Variants in LGALS13 observed in about 807,000 individuals in gnomAD.
LGALS13 encodes galectin 13, also known as galactoside-binding soluble lectin 13.
Under a neutral mutation model 13.2 loss-of-function variants are expected in LGALS13, and 11 were observed. The observed-to-expected ratio is 0.83, with a 90% CI of 0.52 to 1.38. The LOEUF (loss-of-function observed/expected upper bound fraction) is 1.38. LGALS13 is among the 40% of genes most tolerant of loss of function. The pLI is 0.00. For synonymous variants in LGALS13, 71 were observed against 63.7 expected (o/e 1.11, Z -0.54); for missense variants, 183 against 174.3 (o/e 1.05, Z -0.28).
chr19:39,604,359 G>T (rs1328763508), intron 1 of LGALS13, among the ~76,000 whole-genome samples: 1 of 152,134 alleles, frequency 6.6e-6, no homozygotes, highest in African/African-American at 2.4e-5. Flanking sequence ...ATCTAAGACT[G>T]CACTGCTAGT....
chr19:39,605,238 C>T lies in LGALS13; in HGVS notation c.153C>T (p.Ala51=), dbSNP rs566911924. 9.3e-6 allele frequency: 15 copies of T among 1,614,200 alleles called. No individual in the cohort carries two copies. The East Asian group carries it at 2.2e-4, about 24-fold the overall frequency. Residue 51 remains alanine, a synonymous_variant, in exon 3 of 4, where the codon GCC becomes GCT. Coordinates refer to ENST00000221797, the MANE Select transcript of LGALS13 (RefSeq NM_013268.3). ...ACATGGATGAGGATTCAGATATTGC[C>T]TTCCGTTTCCGAGTGCACTTTGGCA... ...YTDMDEDSDI[A]FRFRVHFGNH...
intron 2 of LGALS13, 83 bp from the exon 3 acceptor site, chr19:39,605,094 TG>T: frequency 8.5e-7 from 1 of 1,170,626 alleles, no homozygotes; most frequent in Non-Finnish European, 1.3e-6. Context: ...CCTAGGTAAA[TG>T]GGGGAAGGGA....
intron 1 of LGALS13, among the ~76,000 whole-genome samples, chr19:39,602,872 C>T (rs965681402): frequency 1.1e-4 from 16 of 152,082 alleles, no homozygotes; most frequent in African/African-American, 2.7e-4. Flanking sequence ...CCCACCAGGA[C>T]GAGCAGGTGT....
Position 39,606,715 on chromosome 19 carries a change from G to A in LGALS13, c.304-508G>A, listed in dbSNP as rs118095889. 6.8e-3 allele frequency among the ~76,000 whole-genome samples: 1,042 copies of A among 152,302 alleles called. 3 individuals are homozygous for A. Among genetic ancestry groups the A allele is most frequent in the Non-Finnish European group, 0.011 (777 of 68,022 alleles). On this transcript the variant is annotated intron_variant, in intron 3 of 3. Coordinates refer to ENST00000221797, the MANE Select transcript of LGALS13 (RefSeq NM_013268.3). ...TTGAAGGTAATATCCTGTTTCACAAGAACAGTTCTCCTTTCATTCTATAAG... is the reference window on the plus strand; with the variant it reads ...TTGAAGGTAATATCCTGTTTCACAAAAACAGTTCTCCTTTCATTCTATAAG...
At chr19:39,605,072 G>A in intron 2 of LGALS13, 106 bp from the exon 3 acceptor site, 1 of 946,948 alleles carries the variant, frequency 1.1e-6, no homozygotes, top group South Asian at 1.4e-5. Flanking sequence ...GTATTATCTG[G>A]GAGACTTTTT....
In LGALS13 at chr19:39,605,304, GT is replaced by G. The variant is rs371049824; in HGVS notation, c.221del (p.Leu74TrpfsTer29). On this transcript the variant is annotated frameshift_variant, in exon 3 of 4. Coordinates refer to ENST00000221797, the MANE Select transcript of LGALS13 (RefSeq NM_013268.3). LOFTEE classifies it high-confidence loss of function. ...MNRREFGIWM[L>X]EETTDYVPFE... ...ACAGGCGTGAGTTTGGGATATGGAT[GT>G]TGGAGGAGACAACAGACTACGTGCC... 1,562 of 1,614,222 alleles carry G rather than the reference GT, an allele frequency of 9.7e-4. 16 individuals carry two copies. The African/African-American group carries it at 0.018, about 19-fold the overall frequency.
chr19:39,605,301 G>A lies in LGALS13; in HGVS notation c.216G>A (p.Trp72Ter). 2 of 1,614,154 alleles carry A rather than the reference G, an allele frequency of 1.2e-6. No homozygotes were observed. Among genetic ancestry groups the A allele is most frequent in the African/African-American group, 1.3e-5 (1 of 74,990 alleles). ...VVMNRREFGI[W>*]MLEETTDYVP... ...TGAACAGGCGTGAGTTTGGGATATG[G>A]ATGTTGGAGGAGACAACAGACTACG... is the stretch of plus-strand genomic sequence containing the variant. The change falls in exon 3 of 4, where the codon TGG (tryptophan) becomes TGA (stop). Residue 72 changes from tryptophan (W) to a stop codon, truncating the protein, a stop_gained. Transcript: ENST00000221797. LOFTEE classifies it high-confidence loss of function.
chr19:39,602,667 G>A, intron 1 of LGALS13, 84 bp downstream of exon 1: 1 of 1,362,594 alleles, frequency 7.3e-7, no homozygotes, highest in Non-Finnish European at 1.1e-6. Flanking sequence ...ATGAAAATAT[G>A]AGCATTTTTG....
chr19:39,602,939 G>C (rs1381307636), intron 1 of LGALS13, among the ~76,000 whole-genome samples: 4 of 152,204 alleles, frequency 2.6e-5, no homozygotes, highest in African/African-American at 9.6e-5. Context: ...ATGTGAGTAT[G>C]TGTGTGAGCA....
intron 3 of LGALS13, among the ~76,000 whole-genome samples, chr19:39,606,599 C>T (rs879760116): frequency 1.1e-4 from 16 of 152,318 alleles, no homozygotes; most frequent in Middle Eastern, 3.4e-3. Context: ...AGAATACATC[C>T]ATACTTTCTG....
At chr19:39,604,084 G>A (rs905367758) in intron 1 of LGALS13, 2 of 620,250 alleles carry the variant, frequency 3.2e-6, no homozygotes, top group South Asian at 1.4e-4. Flanking sequence ...CTTTCAACAA[G>A]TGTTGTTTCT....
chr19:39,604,886 C>G (rs917195807), intron 2 of LGALS13, among the ~76,000 whole-genome samples: 2 of 152,188 alleles, frequency 1.3e-5, no homozygotes, highest in Admixed American at 6.5e-5. Flanking sequence ...GAGGAGAACA[C>G]TCAGTGGGTT....
rs112921476 is a variant in LGALS13, at chr19:39,605,268, T to C, written c.183T>C (p.His61=). 3.3e-5 allele frequency: 53 copies of C among 1,614,192 alleles called. No individual in the cohort carries two copies. In the African/African-American group the frequency reaches 5.6e-4, roughly 17 times the overall value. Residue 61 remains histidine, a synonymous_variant, in exon 3 of 4, where the codon CAT becomes CAC. Coordinates refer to ENST00000221797, the MANE Select transcript of LGALS13 (RefSeq NM_013268.3). The stretch of plus-strand genomic sequence containing the variant: ...GTTTCCGAGTGCACTTTGGCAATCA[T>C]GTGGTCATGAACAGGCGTGAGTTTG... ...AFRFRVHFGN[H]VVMNRREFGI...
At position 39,604,591 on chromosome 19, in the gene LGALS13, T is replaced by C. The variant is rs527409570; in HGVS notation, c.16-11T>C. The C allele has an allele frequency of 6.2e-7, 1 of 1,614,104 alleles. No homozygotes were observed. Among genetic ancestry groups the C allele is most frequent in the East Asian group, 2.2e-5 (1 of 44,880 alleles). On this transcript the variant is annotated splice_polypyrimidine_tract_variant and intron_variant, in intron 1 of 3. Coordinates refer to ENST00000221797, the MANE Select transcript of LGALS13 (RefSeq NM_013268.3). Reference sequence around the variant, plus strand: ...CCCTGCACCTCTCACTTACTCTCAATACTCTGGCAGGTGCCATACAAACTG... The same window carrying C: ...CCCTGCACCTCTCACTTACTCTCAACACTCTGGCAGGTGCCATACAAACTG...
rs1423287141 is a variant in LGALS13, at chr19:39,604,995, G to T, written c.93-183G>T. ...TGGCTCAGTTTTCATCTGGGGATGA[G>T]GAGCACAGAATCTCCCTGCCTGGGG... On this transcript the variant is annotated intron_variant, in intron 2 of 3. Transcript: ENST00000221797. The T allele has an allele frequency of 8.7e-6, 6 of 689,864 alleles. No homozygotes were observed. The South Asian group carries it at 1.0e-4, about 11-fold the overall frequency. 42.7% of individuals were successfully genotyped at this position (689,864 alleles called of 1,614,324 possible). A position where few individuals can be genotyped will look rare whatever the true frequency, so the allele number is the denominator to read the frequency against.
chr19:39,603,299 G>T (rs916553821), intron 1 of LGALS13, among the ~76,000 whole-genome samples: 1 of 151,894 alleles, frequency 6.6e-6, no homozygotes, highest in Non-Finnish European at 1.5e-5. Flanking sequence ...CCTCAGGTGG[G>T]GTCTGCACAG....
At chr19:39,605,533 T>C (rs1330909186) in intron 3 of LGALS13, 145 bp downstream of exon 3, 3 of 720,392 alleles carry the variant, frequency 4.2e-6, no homozygotes, top group Admixed American at 4.0e-5. Context: ...GAGCACCCCC[T>C]GCTTGCACTG....
intron 1 of LGALS13, among the ~76,000 whole-genome samples, chr19:39,602,950 C>T (rs1972624718): frequency 6.6e-6 from 1 of 152,166 alleles, no homozygotes; most frequent in Admixed American, 6.5e-5. Flanking sequence ...TGTGTGAGCA[C>T]AGCCAGACCA....
chr19:39,603,716 G>A (rs1050343498), intron 1 of LGALS13, among the ~76,000 whole-genome samples: 3 of 152,018 alleles, frequency 2.0e-5, no homozygotes, highest in Non-Finnish European at 4.4e-5. Context: ...TGGCAGAGAG[G>A]CAGGTACCTT....
Sources: gnomAD v4.1 joint callset for allele counts (sites outside exome capture counted in the v4.1 genomes callset) on GRCh38, gnomAD v4.1.1 for gene constraint, MANE v1.5 for transcripts, NCBI Gene and HGNC (gene_info 2026-07-23, HGNC 2026-07-21) for gene names.